Variants in PDE6C observed in about 807,000 individuals in gnomAD.
PDE6C encodes the protein cone cGMP-specific 3',5'-cyclic phosphodiesterase subunit alpha'.
Under a neutral mutation model 113.1 loss-of-function variants are expected in PDE6C, and 75 were observed. The observed-to-expected ratio is 0.66, with a 90% CI of 0.55 to 0.80. The LOEUF is 0.80. PDE6C is among the 30% of genes least tolerant of loss of function. The probability of loss-of-function intolerance (pLI) is 0.00; values close to 1 mark genes in which losing one functional copy is unlikely to be tolerated. For synonymous variants in PDE6C, 375 were observed against 363.7 expected (o/e 1.03, Z -0.35); for missense variants, 912 against 1,038.6 (o/e 0.88, Z 1.67).
chr10:93,628,128 A>T (rs1032988895), intron 7 of PDE6C, among the ~76,000 whole-genome samples: 5 of 152,192 alleles, frequency 3.3e-5, no homozygotes, highest in African/African-American at 1.2e-4. Flanking sequence ...GATTTCCCCA[A>T]TTCCCAGCCA....
rs552977703 is a variant in PDE6C, at chr10:93,640,907, G to T, written c.1738-13G>T. The stretch of plus-strand genomic sequence containing the variant: ...ATAAATTATAGATATGCATATATAT[G>T]TTATTTTTTTAGACAGGAAGATTAA... On this transcript the variant is annotated splice_polypyrimidine_tract_variant and intron_variant, in intron 13 of 21. Transcript: ENST00000371447. The T allele has an allele frequency of 4.0e-6, 6 of 1,500,472 alleles. No homozygotes were observed. In the Admixed American group the frequency reaches 5.0e-5, roughly 13 times the overall value. 92.9% of individuals were successfully genotyped at this position (1,500,472 alleles called of 1,614,324 possible). A position where few individuals can be genotyped will look rare whatever the true frequency, so the allele number is the denominator to read the frequency against.
intron 20 of PDE6C, 54 bp downstream of exon 20, chr10:93,662,697 T>C (rs975427299): frequency 3.7e-5 from 33 of 901,756 alleles, no homozygotes; most frequent in Non-Finnish European, 5.4e-5. Context: ...TGAGAAATTT[T>C]CTTTCAAACT....
chr10:93,622,639 G>GTTTTTTTTTTTTTTTTTTTTTTTTTTTTT (rs67350128), intron 4 of PDE6C, among the ~76,000 whole-genome samples: 2 of 113,992 alleles, frequency 1.8e-5, no homozygotes, highest in African/African-American at 3.7e-5. Flanking sequence ...GTAGCCACAG[G>GTTTTTTTTTTTTTTTTTTTTTTTTTTTTT]TTTTTTTTTT....
chr10:93,627,545 G>T (rs1279464774), intron 7 of PDE6C, among the ~76,000 whole-genome samples: 3 of 152,182 alleles, frequency 2.0e-5, no homozygotes, highest in East Asian at 1.9e-4. Context: ...GGGGGATGGG[G>T]TGGGGATGGT....
chr10:93,654,886 C>A (rs1329844783), intron 15 of PDE6C, among the ~76,000 whole-genome samples: 2 of 150,346 alleles, frequency 1.3e-5, no homozygotes, highest in Non-Finnish European at 3.0e-5. Context: ...CAGTTCACTG[C>A]AACCTCCAGT....
At chr10:93,647,730 G>C (rs1346600706) in intron 15 of PDE6C, among the ~76,000 whole-genome samples, 1 of 152,134 alleles carries the variant, frequency 6.6e-6, no homozygotes, top group Non-Finnish European at 1.5e-5. Flanking sequence ...AGACTCTCTG[G>C]AGTTTGGGCC....
chr10:93,636,253 A>G (rs2058528775), intron 10 of PDE6C, among the ~76,000 whole-genome samples: 1 of 152,214 alleles, frequency 6.6e-6, no homozygotes, highest in Admixed American at 6.5e-5. Context: ...CACGAAGACC[A>G]ACCTTATAGA....
chr10:93,652,373 G>A (rs1374027178), intron 15 of PDE6C, among the ~76,000 whole-genome samples: 1 of 152,166 alleles, frequency 6.6e-6, no homozygotes, highest in East Asian at 1.9e-4. Context: ...AGGGAGAACA[G>A]AGAAAATCTA....
chr10:93,665,695 A>G lies in PDE6C; in HGVS notation c.*277A>G. On this transcript the variant is annotated 3_prime_UTR_variant, in exon 22 of 22. Coordinates refer to ENST00000371447, the MANE Select transcript of PDE6C (RefSeq NM_006204.4). Reference sequence around the variant, plus strand: ...GAAACTAGTCACAAATTCTTTTTTAAAACATTAATTGTATTTATTTGCTAA... The same window carrying G: ...GAAACTAGTCACAAATTCTTTTTTAGAACATTAATTGTATTTATTTGCTAA... 1 of 444,450 alleles carries G rather than the reference A, an allele frequency of 2.2e-6. No homozygotes were observed. Among genetic ancestry groups the G allele is most frequent in the Non-Finnish European group, 4.1e-6 (1 of 244,168 alleles). 27.5% of individuals were successfully genotyped at this position (444,450 alleles called of 1,614,324 possible). A position where few individuals can be genotyped will look rare whatever the true frequency, so the allele number is the denominator to read the frequency against.
intron 4 of PDE6C, among the ~76,000 whole-genome samples, chr10:93,622,641 T>A (rs1406381759): frequency 1.3e-4 from 1 of 7,460 alleles, no homozygotes; most frequent in Non-Finnish European, 2.8e-3. Flanking sequence ...AGCCACAGGT[T>A]TTTTTTTTGT....
At chr10:93,645,088 T>A (rs2058578143) in intron 14 of PDE6C, among the ~76,000 whole-genome samples, 1 of 151,896 alleles carries the variant, frequency 6.6e-6, no homozygotes, top group Admixed American at 6.6e-5. Flanking sequence ...CAAAAGTGGA[T>A]CTCAGAAGAT....
rs1291444729 is a variant in PDE6C at position 93,653,418 on chromosome 10, G to A, written c.1936-2342G>A. On this transcript the variant is annotated intron_variant, in intron 15 of 21. Transcript: ENST00000371447. ...AGCACTTTGGGAGGCCGAGATGGGC[G>A]GATCCCTTGAGGTCAGGAGTTTGAG... Among the ~76,000 whole-genome samples, 5 of 152,042 alleles carry A rather than the reference G, an allele frequency of 3.3e-5. No individual in the cohort carries two copies. The South Asian group carries it at 6.2e-4, about 19-fold the overall frequency.
chr10:93,628,581 A>G (rs1262657221), intron 7 of PDE6C, among the ~76,000 whole-genome samples: 3 of 152,170 alleles, frequency 2.0e-5, no homozygotes, highest in African/African-American at 7.2e-5. Flanking sequence ...CAAAAACTCC[A>G]TCTCATAAAA....
chr10:93,629,629 GT>G (rs2058490433), intron 8 of PDE6C, among the ~76,000 whole-genome samples: 1 of 152,192 alleles, frequency 6.6e-6, no homozygotes. Flanking sequence ...CAGAATGAGG[GT>G]GGGGTGGGAG....
chr10:93,624,304 G>C (rs188537897), intron 4 of PDE6C, among the ~76,000 whole-genome samples: 1,582 of 152,134 alleles, frequency 0.01, 14 homozygotes, highest in Middle Eastern at 0.037. Flanking sequence ...CTGGAGTGCA[G>C]TGGCATGATC....
chr10:93,665,531 CCT>C lies in PDE6C; in HGVS notation c.*114_*115del, dbSNP rs1432902902. Reference sequence around the variant, plus strand: ...GTAACAGGATCTTCAGAAAAACTACCCTGTGACTATGAAGAAAATATATATTG... The same window carrying C: ...GTAACAGGATCTTCAGAAAAACTACCGTGACTATGAAGAAAATATATATTG... On this transcript the variant is annotated 3_prime_UTR_variant, in exon 22 of 22. Coordinates refer to ENST00000371447, the MANE Select transcript of PDE6C (RefSeq NM_006204.4). The C allele has an allele frequency of 1.0e-5, 8 of 764,922 alleles. No individual in the cohort carries two copies. The Admixed American group carries it at 1.6e-4, about 16-fold the overall frequency. The allele number at this position is 764,922 out of a possible 1,614,324, so 47.4% of individuals were successfully genotyped here. A position where few individuals can be genotyped will look rare whatever the true frequency, so the allele number is the denominator to read the frequency against.
At chr10:93,660,650 C>T (rs1052635379) in intron 18 of PDE6C, among the ~76,000 whole-genome samples, 2 of 152,102 alleles carry the variant, frequency 1.3e-5, no homozygotes, top group African/African-American at 4.8e-5. Context: ...TCCTGAACTC[C>T]GTCACCATCA....
At chr10:93,635,374 T>TA in intron 9 of PDE6C, 123 bp from the exon 10 acceptor site, 1 of 752,648 alleles carries the variant, frequency 1.3e-6, no homozygotes, top group Non-Finnish European at 2.3e-6. Flanking sequence ...TTTCTTAAAT[T>TA]AAAAGAAGGA....
intron 15 of PDE6C, among the ~76,000 whole-genome samples, chr10:93,652,717 G>A (rs182729570): frequency 9.9e-5 from 15 of 152,170 alleles, no homozygotes; most frequent in South Asian, 2.1e-4. Flanking sequence ...TATATATAGC[G>A]TTTTCTTTCA....
Sources: allele counts gnomAD v4.1 joint callset (sites outside exome capture counted in the v4.1 genomes callset), GRCh38; gene constraint gnomAD v4.1.1; transcripts MANE v1.5; gene names NCBI Gene and HGNC (gene_info 2026-07-23, HGNC 2026-07-21).